Variants in RUFY2 observed in about 807,000 individuals in gnomAD.
The protein encoded by RUFY2 is RUN and FYVE domain containing 2.
A neutral mutation model predicts 94.4 loss-of-function variants in RUFY2; 49 were observed. The ratio of observed to expected loss-of-function variants is 0.52; its 90% CI spans 0.41 to 0.66. RUFY2 has a LOEUF of 0.66. RUFY2 is among the 30% of genes least tolerant of loss of function. RUFY2 has a pLI of 0.00. For missense variants in RUFY2, 541 were observed against 692.8 expected (o/e 0.78, Z 2.46); for synonymous variants, 255 against 235.7 (o/e 1.08, Z -0.75).
intron 13 of RUFY2, 61 bp from the exon 14 acceptor site, chr10:68,364,174 A>C: frequency 6.8e-7 from 1 of 1,480,542 alleles, no homozygotes; most frequent in Non-Finnish European, 9.1e-7. Flanking sequence ...GTTGTTATGT[A>C]TTCTTTACTA....
chr10:68,394,623 TTTTA>T (rs2050243838), intron 4 of RUFY2, among the ~76,000 whole-genome samples, 172 bp from the exon 5 acceptor site: 1 of 151,708 alleles, frequency 6.6e-6, no homozygotes, highest in Non-Finnish European at 1.5e-5. Context: ...ATTTTTTATT[TTTTA>T]TTTATTAATT....
intron 7 of RUFY2, among the ~76,000 whole-genome samples, chr10:68,389,358 C>T (rs972052744): frequency 1.3e-4 from 20 of 151,984 alleles, no homozygotes. Flanking sequence ...TTTGGGAGGC[C>T]GAGGTGGGTG....
chr10:68,361,849 T>C lies in RUFY2; in HGVS notation c.1550+1741A>G, dbSNP rs186744810. 1.6e-3 allele frequency among the ~76,000 whole-genome samples: 245 copies of C among 152,306 alleles called. 1 individual carries two copies. Among genetic ancestry groups the C allele is most frequent in the African/African-American group, 5.3e-3 (221 of 41,572 alleles). On this transcript the variant is annotated intron_variant, in intron 15 of 17. Coordinates refer to ENST00000602465, the MANE Select transcript of RUFY2 (RefSeq NM_001330103.2). ...AAATAAATGACAAGATGTTTACACA[T>C]AGAATTGTTTGAGGTTAGTTAAACT...
chr10:68,386,495 G>A (rs1438967806), intron 7 of RUFY2, among the ~76,000 whole-genome samples: 11 of 152,168 alleles, frequency 7.2e-5, no homozygotes, highest in African/African-American at 1.4e-4. Context: ...GTTTACAGGC[G>A]TGCGCCACCA....
chr10:68,399,062 G>A (rs1476094403), intron 3 of RUFY2, among the ~76,000 whole-genome samples: 1 of 150,978 alleles, frequency 6.6e-6, no homozygotes, highest in South Asian at 2.1e-4. Flanking sequence ...TTTGGTGGGG[G>A]AGACAAAGTC....
At position 68,346,025 on chromosome 10, in the gene RUFY2, G is replaced by C; in HGVS notation, c.1659C>G (p.Phe553Leu). ...CCCTTACCTTTCTCTTAGAGAGTGA[G>C]AATTCCTTTTCACAAAGTTTACAAT... Reference protein sequence around the residue: ...ATHCKLCEKEFSLSKRKHHCR... With the variant: ...ATHCKLCEKELSLSKRKHHCR... The change falls in exon 17 of 18, where the codon TTC becomes TTG. Residue 553 changes from phenylalanine to leucine, a missense_variant. This residue lies in a region of RUFY2 where 403 missense variants were observed against 480.7 expected (regional missense o/e 0.84). Transcript: ENST00000602465. 2 of 1,613,870 alleles carry C rather than the reference G, an allele frequency of 1.2e-6. No homozygotes were observed. The highest frequency in any genetic ancestry group is 1.7e-6 in the Non-Finnish European group (2 of 1,179,914).
chr10:68,406,826 C>T (rs745358716), intron 1 of RUFY2: 3 of 1,612,510 alleles, frequency 1.9e-6, no homozygotes, highest in South Asian at 1.1e-5. Flanking sequence ...ACCTGAGATG[C>T]GTCTTCCCTC....
chr10:68,378,638 A>G, intron 12 of RUFY2: 2 of 1,613,220 alleles, frequency 1.2e-6, no homozygotes, highest in Admixed American at 1.7e-5. Flanking sequence ...TGACATTGCA[A>G]TTGTCCTAGT....
At chr10:68,382,358 C>T (rs2049131510) in intron 10 of RUFY2, among the ~76,000 whole-genome samples, 1 of 151,672 alleles carries the variant, frequency 6.6e-6, no homozygotes, top group Admixed American at 6.6e-5. Flanking sequence ...GCCCGGCCAA[C>T]ACAGTTTAAT....
At chr10:68,400,193 G>A (rs1238039188) in intron 3 of RUFY2, among the ~76,000 whole-genome samples, 2 of 151,458 alleles carry the variant, frequency 1.3e-5, no homozygotes, top group African/African-American at 4.8e-5. Context: ...GCACATGCCT[G>A]TAATCCCAGC....
Position 68,355,366 on chromosome 10 carries a change from T to G in RUFY2, c.1586A>C (p.Asn529Thr). 1.2e-6 allele frequency: 2 copies of G among 1,611,930 alleles called. No individual in the cohort carries two copies. Among genetic ancestry groups the G allele is most frequent in the Non-Finnish European group, 1.7e-6 (2 of 1,178,374 alleles). The change falls in exon 16 of 18, where the codon AAC becomes ACC. Residue 529 changes from asparagine (N) to threonine (T), a missense_variant. Transcript: ENST00000602465. ...KLKIEDIKEA[N>T]KALQGLVWLK... is the part of the protein sequence containing the mutation. ...CGTTCTACTCACCTGCAATGCTTTG[T>G]TGGCTTCTTTTATGTCTTCAATTTT...
rs765897933 is a variant in RUFY2 at position 68,363,705 on chromosome 10, G to C, written c.1456-21C>G. 2.1e-6 allele frequency: 3 copies of C among 1,442,354 alleles called. No homozygotes were observed. The African/African-American group carries it at 4.3e-5, about 21-fold the overall frequency. 89.3% of individuals were successfully genotyped at this position (1,442,354 alleles called of 1,614,324 possible). A position where few individuals can be genotyped will look rare whatever the true frequency, so the allele number is the denominator to read the frequency against. ...AACTCCTTCAGAACAATAAAAGACA[G>C]AAAATGAAATTTAAAAGAAAGAAAC... On this transcript the variant is annotated intron_variant, in intron 14 of 17. Transcript: ENST00000602465.
intron 1 of RUFY2, among the ~76,000 whole-genome samples, chr10:68,406,010 G>C (rs2051266419): frequency 6.6e-6 from 1 of 152,108 alleles, no homozygotes; most frequent in African/African-American, 2.4e-5. Context: ...AAATTCAGAC[G>C]CTTCCCCATC....
Position 68,343,827 on chromosome 10 carries a change from A to AT in RUFY2, c.*1940_*1941insA. The stretch of plus-strand genomic sequence containing the variant: ...GCTGCCTAAAAAAAAAAAAAAAAAA[A>AT]AAAAAAGCAAGTCAGTCAGTGTTGA... On this transcript the variant is annotated 3_prime_UTR_variant, in exon 18 of 18. Coordinates refer to ENST00000602465, the MANE Select transcript of RUFY2 (RefSeq NM_001330103.2). 1 of 141,018 alleles carries AT rather than the reference A, an allele frequency of 7.1e-6. No homozygotes were observed. The highest frequency in any genetic ancestry group is 2.5e-5 in the African/African-American group (1 of 39,964). 8.7% of individuals were successfully genotyped at this position (141,018 alleles called of 1,614,324 possible). A position where few individuals can be genotyped will look rare whatever the true frequency, so the allele number is the denominator to read the frequency against.
At chr10:68,368,248 G>A (rs1013481263) in intron 13 of RUFY2, among the ~76,000 whole-genome samples, 8 of 150,550 alleles carry the variant, frequency 5.3e-5, no homozygotes, top group Admixed American at 4.6e-4. Context: ...GATTACAGGC[G>A]TGAGCCACCA....
intron 3 of RUFY2, among the ~76,000 whole-genome samples, chr10:68,399,775 G>A (rs977799182): frequency 3.9e-5 from 6 of 152,082 alleles, no homozygotes; most frequent in Admixed American, 1.3e-4. Flanking sequence ...TGTGGCTCAC[G>A]CCTGTAATAC....
At chr10:68,384,840 A>G (rs974336910) in intron 8 of RUFY2, among the ~76,000 whole-genome samples, 5 of 152,234 alleles carry the variant, frequency 3.3e-5, no homozygotes, top group Admixed American at 6.5e-5. Flanking sequence ...CAGTCCTACT[A>G]AAGTCAAGAA....
chr10:68,369,807 G>C (rs150996619), intron 13 of RUFY2, among the ~76,000 whole-genome samples: 1 of 151,910 alleles, frequency 6.6e-6, no homozygotes. Context: ...TTTGACTCTC[G>C]GTACACCCCT....
At position 68,381,373 on chromosome 10, in the gene RUFY2, T is replaced by G; in HGVS notation, c.966A>C (p.Gln322His). ...RQDVENELAV[Q>H]VSMKHEIELA... is the part of the protein sequence containing the mutation. ...GTTCAATCTCATGCTTCATACTAAC[T>G]TGTACTGCTAGCTCATTCTCTACAT... The change falls in exon 11 of 18, where the codon CAA (glutamine) becomes CAC (histidine). Residue 322 changes from glutamine (Q) to histidine (H), a missense_variant. By Grantham distance (24) the Gln-to-His change is conservative. Coordinates refer to ENST00000602465, the MANE Select transcript of RUFY2 (RefSeq NM_001330103.2). The G allele has an allele frequency of 6.2e-7, 1 of 1,613,536 alleles. No homozygotes were observed. Among genetic ancestry groups the G allele is most frequent in the Non-Finnish European group, 8.5e-7 (1 of 1,179,868 alleles).
Sources: allele counts gnomAD v4.1 joint callset (sites outside exome capture counted in the v4.1 genomes callset), GRCh38; gene constraint gnomAD v4.1.1; regional missense constraint gnomAD v4.1.1; transcripts MANE v1.5; gene names NCBI Gene and HGNC (gene_info 2026-07-23, HGNC 2026-07-21).